Variants in DNAH14 observed in about 807,000 individuals in gnomAD.
The protein encoded by DNAH14 is axonemal beta dynein heavy chain 14.
A neutral mutation model predicts 520.9 loss-of-function variants in DNAH14; 478 were observed. That is an observed-to-expected ratio of 0.92 (90% CI 0.85 to 0.99). The LOEUF is 0.99. DNAH14 is among the 50% of genes least tolerant of loss of function. The pLI is 0.00. For missense variants in DNAH14, 4,831 were observed against 5,234.5 expected (o/e 0.92, Z 2.38); for synonymous variants, 1,581 against 1,757.2 (o/e 0.90, Z 2.51).
In DNAH14 at chr1:225,272,858, T is replaced by C. The variant is rs561756553; in HGVS notation, c.7840-97T>C. 8 of 1,193,052 alleles carry C rather than the reference T, an allele frequency of 6.7e-6. No homozygotes were observed. In the South Asian group the frequency reaches 1.4e-4, roughly 20 times the overall value. The allele number at this position is 1,193,052 out of a possible 1,614,324, so 73.9% of individuals were successfully genotyped here. On this transcript the variant is annotated intron_variant, in intron 51 of 85. Coordinates refer to ENST00000682510, the MANE Select transcript of DNAH14 (RefSeq NM_001367479.1). Reference sequence around the variant, plus strand: ...TTCTTACCTTGGATAATTGCTTCTATTTTTATGGATCATAAACCTGCAAAA... The same window carrying C: ...TTCTTACCTTGGATAATTGCTTCTACTTTTATGGATCATAAACCTGCAAAA...
intron 83 of DNAH14, among the ~76,000 whole-genome samples, chr1:225,391,638 G>A (rs1330882946): frequency 6.6e-6 from 1 of 152,062 alleles, no homozygotes; most frequent in Non-Finnish European, 1.5e-5. Flanking sequence ...GGAGAAGGAG[G>A]TTAAGCATGA....
At chr1:225,305,710 G>A (rs2094225149) in intron 58 of DNAH14, among the ~76,000 whole-genome samples, 1 of 152,168 alleles carries the variant, frequency 6.6e-6, no homozygotes, top group Non-Finnish European at 1.5e-5. Flanking sequence ...GCCAAGCCTT[G>A]TCTATATAAC....
chr1:224,988,416 A>G (rs540133202), intron 8 of DNAH14, among the ~76,000 whole-genome samples: 15 of 152,204 alleles, frequency 9.9e-5, no homozygotes, highest in Admixed American at 6.5e-5. Flanking sequence ...TCAAAACCAC[A>G]ATGAAATACC....
intron 38 of DNAH14, among the ~76,000 whole-genome samples, chr1:225,201,387 T>C (rs146971644): frequency 6.4e-4 from 98 of 152,206 alleles, no homozygotes; most frequent in African/African-American, 2.3e-3. Context: ...TCGTCTTGGT[T>C]TAGATTCATT....
intron 7 of DNAH14, 144 bp downstream of exon 7, chr1:224,969,018 C>T (rs1572129473): frequency 3.8e-6 from 2 of 528,462 alleles, no homozygotes; most frequent in East Asian, 3.6e-5. Flanking sequence ...TACGGAACAC[C>T]CCATTTCCTC....
rs1395704748 is a variant in DNAH14, at chr1:225,265,194, A to G, written c.7235A>G (p.Lys2412Arg). 4 of 1,475,942 alleles carry G rather than the reference A, an allele frequency of 2.7e-6. No individual in the cohort carries two copies. Among genetic ancestry groups the G allele is most frequent in the Non-Finnish European group, 3.6e-6 (4 of 1,120,196 alleles). The allele number at this position is 1,475,942 out of a possible 1,614,324, so 91.4% of individuals were successfully genotyped here. Residue 2412 changes from lysine (K) to arginine (R), a missense_variant, in exon 48 of 86, where the codon AAA (lysine) becomes AGA (arginine). Coordinates refer to ENST00000682510, the MANE Select transcript of DNAH14 (RefSeq NM_001367479.1). Reference protein sequence around the residue: ...TATGSSDNPTKKPEVRTNKKL... With the variant: ...TATGSSDNPTRKPEVRTNKKL... ...TTTGGCATCACAGATAATCCCACTA[A>G]AAAGCCAGAAGTTAGAACTAATAAA...
chr1:225,193,926 T>C (rs1573891237), intron 38 of DNAH14, among the ~76,000 whole-genome samples: 1 of 151,990 alleles, frequency 6.6e-6, no homozygotes, highest in African/African-American at 2.4e-5. Context: ...AGAGCCAAAT[T>C]AAGAACACAA....
At chr1:225,246,933 T>C (rs185209458) in intron 43 of DNAH14, among the ~76,000 whole-genome samples, 35 of 152,350 alleles carry the variant, frequency 2.3e-4, no homozygotes, top group Middle Eastern at 3.4e-3. Flanking sequence ...ACACGTATGT[T>C]TATTGCAACA....
chr1:225,225,975 C>G (rs1203796166), intron 41 of DNAH14, among the ~76,000 whole-genome samples: 1 of 152,186 alleles, frequency 6.6e-6, no homozygotes, highest in African/African-American at 2.4e-5. Flanking sequence ...ATGCTGAAGA[C>G]AGCTCAGGAG....
At chr1:225,119,851 T>C (rs931918038) in intron 26 of DNAH14, among the ~76,000 whole-genome samples, 1 of 152,224 alleles carries the variant, frequency 6.6e-6, no homozygotes, top group African/African-American at 2.4e-5. Context: ...CTATTGACTT[T>C]TAGGTTTTTA....
intron 52 of DNAH14, among the ~76,000 whole-genome samples, chr1:225,274,437 G>A (rs111969233): frequency 0.048 from 7,340 of 151,570 alleles, 275 homozygotes; most frequent in Non-Finnish European, 0.072. Context: ...CTCGTGATCC[G>A]CCCGCCTCGG....
chr1:225,167,875 A>G, intron 35 of DNAH14, 64 bp from the exon 36 acceptor site: 1 of 942,134 alleles, frequency 1.1e-6, no homozygotes, highest in South Asian at 1.8e-5. Context: ...GAGATTTTGG[A>G]AGATAAAAAT....
At chr1:225,204,055 C>T (rs1223986939) in intron 38 of DNAH14, 128 bp from the exon 39 acceptor site, 3 of 495,878 alleles carry the variant, frequency 6.0e-6, no homozygotes, top group Non-Finnish European at 1.1e-5. Context: ...ATATGTTGGT[C>T]TTTTCAGTTA....
At chr1:225,100,603 C>T in intron 22 of DNAH14, 110 bp from the exon 23 acceptor site, 2 of 877,712 alleles carry the variant, frequency 2.3e-6, no homozygotes, top group East Asian at 5.9e-5. Flanking sequence ...GAAAATTTAA[C>T]ATCAAATGTT....
intron 38 of DNAH14, among the ~76,000 whole-genome samples, chr1:225,198,957 G>A (rs537711277): frequency 7.2e-5 from 11 of 152,210 alleles, no homozygotes; most frequent in East Asian, 5.8e-4. Context: ...ATTCTGCCAC[G>A]AATCTGTCTA....
chr1:225,155,580 C>A (rs889130463), intron 34 of DNAH14, among the ~76,000 whole-genome samples: 1 of 152,084 alleles, frequency 6.6e-6, no homozygotes, highest in African/African-American at 2.4e-5. Flanking sequence ...ATTTTATAGT[C>A]CTGTAGTCAC....
At position 225,333,567 on chromosome 1, in the gene DNAH14, G is replaced by A; in HGVS notation, c.10080+61G>A. 3 of 1,412,806 alleles carry A rather than the reference G, an allele frequency of 2.1e-6. 1 individual carries two copies. Among genetic ancestry groups the A allele is most frequent in the South Asian group, 2.6e-5 (2 of 76,716 alleles). 87.5% of individuals were successfully genotyped at this position (1,412,806 alleles called of 1,614,324 possible). A position where few individuals can be genotyped will look rare whatever the true frequency, so the allele number is the denominator to read the frequency against. On this transcript the variant is annotated intron_variant, in intron 66 of 85. Transcript: ENST00000682510. ...ATTATTGTTTATTTGGATTTTAGCT[G>A]TATGTGTAGTTTCGGCCTTGGATGT...
Position 225,340,660 on chromosome 1 carries a change from A to T in DNAH14, c.10637A>T (p.Glu3546Val). ...TCCCTTGATGCCATAACTCTTGAAG[A>T]ACTAGAGGAAAAAACATTAAATTTA... ...SISLDAITLE[E>V]LEEKTLNLLQ... Residue 3546 changes from glutamate (E) to valine (V), a missense_variant, in exon 69 of 86, where the codon GAA (glutamate) becomes GTA (valine). By Grantham distance (121) the Glu-to-Val change is moderately radical. Coordinates refer to ENST00000682510, the MANE Select transcript of DNAH14 (RefSeq NM_001367479.1). 1 of 1,551,396 alleles carries T rather than the reference A, an allele frequency of 6.4e-7. No homozygotes were observed. The highest frequency in any genetic ancestry group is 8.7e-7 in the Non-Finnish European group (1 of 1,146,852).
chr1:225,050,956 A>G (rs543197162), intron 16 of DNAH14, among the ~76,000 whole-genome samples: 3 of 152,272 alleles, frequency 2.0e-5, no homozygotes, highest in Admixed American at 6.5e-5. Flanking sequence ...GCAGTTCACA[A>G]TAGGGTTCAA....
Sources: allele counts gnomAD v4.1 joint callset (sites outside exome capture counted in the v4.1 genomes callset), GRCh38; gene constraint gnomAD v4.1.1; transcripts MANE v1.5; gene names NCBI Gene and HGNC (gene_info 2026-07-23, HGNC 2026-07-21).